The following GRIK1 variants were observed in gnomAD, a reference collection of about 807,000 sequenced individuals.
The protein encoded by GRIK1 is glutamate receptor ionotropic, kainate 1.
GRIK1 carries 69 observed loss-of-function variants against 105.7 expected under a neutral mutation model. The ratio of observed to expected loss-of-function variants is 0.65; its 90% confidence interval spans 0.54 to 0.80. The LOEUF is 0.80. Ranked by LOEUF, GRIK1 falls within the 30% of genes least tolerant of loss-of-function variation. GRIK1 has a pLI of 0.00. For missense variants in GRIK1, 1,109 were observed against 1,167.3 expected, an observed-to-expected ratio of 0.95 and a Z score of 0.73; for synonymous variants, 438 against 431.3, an observed-to-expected ratio of 1.02 and a Z score of -0.19.
chr21:29,632,908 G>C (rs987680280), intron 7 of GRIK1, among the ~76,000 whole-genome samples: 12 of 152,160 alleles, frequency 7.9e-5, no homozygotes, highest in African/African-American at 2.9e-4. Flanking sequence ...TCAGGAATAG[G>C]TGTCTTAGTG....
At position 29,585,957 on chromosome 21, in the gene GRIK1, G is replaced by C. The variant is rs566100516; in HGVS notation, c.1793+1409C>G. Among the ~76,000 whole-genome samples the C allele has an allele frequency of 7.2e-5, 11 of 152,226 alleles. No homozygotes were observed. In the South Asian group the frequency reaches 2.1e-3, roughly 29 times the overall value. On this transcript the variant is annotated intron_variant, in intron 12 of 17. Transcript: ENST00000327783. The stretch of plus-strand genomic sequence containing the variant: ...TGTCCTGTACACCATAAGATGTTTG[G>C]CAGCATCCCTGGACTCCGTCCACTT...
chr21:29,650,203 A>G (rs363523), intron 6 of GRIK1, among the ~76,000 whole-genome samples: 69,332 of 151,988 alleles, frequency 0.46, 17,518 homozygotes, highest in African/African-American at 0.69. Flanking sequence ...TTAGTTCTTC[A>G]CTTTCATTTG....
At chr21:29,666,537 G>A (rs1601407684) in intron 4 of GRIK1, among the ~76,000 whole-genome samples, 3 of 151,978 alleles carry the variant, frequency 2.0e-5, no homozygotes, top group South Asian at 4.1e-4. Flanking sequence ...TGCCTTAATC[G>A]GGCAGAGATT....
intron 4 of GRIK1, among the ~76,000 whole-genome samples, chr21:29,663,203 G>A (rs151031278): frequency 1.2e-3 from 187 of 152,328 alleles, no homozygotes; most frequent in Non-Finnish European, 2.2e-3. Context: ...AATAGGAGGT[G>A]CAAGTGGCAG....
chr21:29,548,056 A>C (rs1191428744), intron 16 of GRIK1, among the ~76,000 whole-genome samples: 4 of 152,236 alleles, frequency 2.6e-5, no homozygotes, highest in Non-Finnish European at 5.9e-5. Context: ...ACTGGGGAGA[A>C]AGACAATTCT....
chr21:29,747,722 G>T (rs1321780021), intron 1 of GRIK1, among the ~76,000 whole-genome samples: 1 of 152,110 alleles, frequency 6.6e-6, no homozygotes, highest in Non-Finnish European at 1.5e-5. Context: ...CCAGCTACTC[G>T]GGAGGCTGAG....
At chr21:29,865,106 G>A (rs1471367800) in intron 1 of GRIK1, among the ~76,000 whole-genome samples, 1 of 152,170 alleles carries the variant, frequency 6.6e-6, no homozygotes, top group Non-Finnish European at 1.5e-5. Context: ...CTGTATACAG[G>A]ACTTTTTTCC....
Position 29,859,357 on chromosome 21 carries a change from A to G in GRIK1, c.118+80026T>C, listed in dbSNP as rs1185998435. 4.6e-5 allele frequency among the ~76,000 whole-genome samples: 7 copies of G among 151,912 alleles called. No individual in the cohort carries two copies. The East Asian group carries it at 1.4e-3, about 29-fold the overall frequency. Reference sequence around the variant, plus strand: ...GCACATGTACCCTAGAACTTAAAGTATAATAAAAAAGTATATATATATAAA... The same window carrying G: ...GCACATGTACCCTAGAACTTAAAGTGTAATAAAAAAGTATATATATATAAA... On this transcript the variant is annotated intron_variant, in intron 1 of 17. Coordinates refer to ENST00000327783, the MANE Select transcript of GRIK1 (RefSeq NM_001330994.2).
chr21:29,768,994 G>A (rs1221308951), intron 1 of GRIK1, among the ~76,000 whole-genome samples: 2 of 152,108 alleles, frequency 1.3e-5, no homozygotes, highest in African/African-American at 4.8e-5. Flanking sequence ...TAAGCATAGA[G>A]GTAACAATCA....
In GRIK1 at chr21:29,872,233, G is replaced by A. The variant is rs897740601; in HGVS notation, c.118+67150C>T. On this transcript the variant is annotated intron_variant, in intron 1 of 17. Transcript: ENST00000327783. ...TTTTGAGACGGAGTCTCGCTCTGTC[G>A]CCCAGGCTGGAGTGCAGTGGTGCGA... is the stretch of plus-strand genomic sequence containing the variant. 6.6e-3 allele frequency among the ~76,000 whole-genome samples: 859 copies of A among 129,450 alleles called. 9 individuals carry two copies. Among genetic ancestry groups the A allele is most frequent in the African/African-American group, 0.024 (825 of 33,912 alleles). The allele number at this position is 129,450 out of a possible 152,430, so 84.9% of individuals were successfully genotyped here. A position where few individuals can be genotyped will look rare whatever the true frequency, so the allele number is the denominator to read the frequency against.
chr21:29,690,048 G>C, intron 2 of GRIK1, 63 bp from the exon 3 acceptor site: 8 of 1,306,002 alleles, frequency 6.1e-6, no homozygotes, highest in Non-Finnish European at 7.6e-6. Flanking sequence ...GAGAAAAAGA[G>C]AGTTCTATGA....
intron 15 of GRIK1, among the ~76,000 whole-genome samples, chr21:29,556,658 G>A (rs1185234192): frequency 6.6e-6 from 1 of 152,140 alleles, no homozygotes; most frequent in Non-Finnish European, 1.5e-5. Context: ...CTAAGATGAT[G>A]TCTTCCCAAC....
At chr21:29,828,011 C>CTCTCTCTCTCTCTCTGTCTCTGTG (rs1218773356) in intron 1 of GRIK1, among the ~76,000 whole-genome samples, 1 of 76,380 alleles carries the variant, frequency 1.3e-5, no homozygotes, top group African/African-American at 3.2e-5. Flanking sequence ...CTGTCTCTCT[C>CTCTCTCTCTCTCTCTGTCTCTGTG]TGTGTGTGTG....
intron 3 of GRIK1, among the ~76,000 whole-genome samples, chr21:29,684,904 A>G (rs1045429556): frequency 2.6e-5 from 4 of 152,196 alleles, no homozygotes; most frequent in African/African-American, 9.6e-5. Flanking sequence ...TTCATCATTT[A>G]TCTACCTATT....
chr21:29,867,938 GAGAGAGAGAA>G (rs1193996393), intron 1 of GRIK1, among the ~76,000 whole-genome samples: 2 of 104,408 alleles, frequency 1.9e-5, no homozygotes, highest in Non-Finnish European at 3.8e-5. Flanking sequence ...GAGAGAGAAA[GAGAGAGAGAA>G]AGAGAGAGAA....
chr21:29,696,472 G>T (rs138731154), intron 1 of GRIK1, among the ~76,000 whole-genome samples: 1 of 152,314 alleles, frequency 6.6e-6, no homozygotes, highest in Non-Finnish European at 1.5e-5. Context: ...TTGATTTTCA[G>T]TTTCTCTCAG....
At chr21:29,836,374 C>T (rs1378357929) in intron 1 of GRIK1, among the ~76,000 whole-genome samples, 1 of 152,052 alleles carries the variant, frequency 6.6e-6, no homozygotes, top group South Asian at 2.1e-4. Context: ...GACACACGTC[C>T]CCTGGCTTAT....
At chr21:29,740,170 G>T (rs1191900704) in intron 1 of GRIK1, among the ~76,000 whole-genome samples, 5 of 151,446 alleles carry the variant, frequency 3.3e-5, no homozygotes, top group African/African-American at 1.2e-4. Context: ...CCCCCACATG[G>T]TCCTTATCAC....
At chr21:29,919,373 G>T (rs2071113402) in intron 1 of GRIK1, among the ~76,000 whole-genome samples, 1 of 152,124 alleles carries the variant, frequency 6.6e-6, no homozygotes. Flanking sequence ...GTTGGCGGAA[G>T]CATGGTTTGA....
Sources: gnomAD v4.1 joint callset for allele counts (sites outside exome capture counted in the v4.1 genomes callset) on GRCh38, gnomAD v4.1.1 for gene constraint, MANE v1.5 for transcripts, NCBI Gene and HGNC (gene_info 2026-07-23, HGNC 2026-07-21) for gene names.